Variants in UBE2G2 observed in about 807,000 individuals in gnomAD.
UBE2G2 encodes ubiquitin conjugating enzyme E2 G2, also known as ubiquitin-conjugating enzyme E2 G2.
In UBE2G2, 10 loss-of-function variants were observed where a neutral mutation model predicts 23.0. That is an observed-to-expected ratio of 0.43 (90% CI 0.27 to 0.74). UBE2G2 has a LOEUF of 0.74. UBE2G2 is among the 30% of genes least tolerant of loss of function. The pLI, the probability that UBE2G2 is intolerant of heterozygous loss-of-function variation, is 0.19. For synonymous variants in UBE2G2, 86 were observed against 81.3 expected (o/e 1.06, Z -0.31); for missense variants, 150 against 218.3 (o/e 0.69, Z 1.97).
intron 3 of UBE2G2, among the ~76,000 whole-genome samples, chr21:44,782,854 G>A (rs1344933390): frequency 6.6e-6 from 1 of 152,022 alleles, no homozygotes; most frequent in Non-Finnish European, 1.5e-5. Flanking sequence ...GCAAACATAA[G>A]AGAAAATCTT....
intron 3 of UBE2G2, among the ~76,000 whole-genome samples, chr21:44,777,791 G>C (rs1422873808): frequency 6.6e-6 from 1 of 152,198 alleles, no homozygotes; most frequent in African/African-American, 2.4e-5. Flanking sequence ...CTGGGCGACA[G>C]AGCGTGACTC....
At position 44,794,077 on chromosome 21, in the gene UBE2G2, G is replaced by A. The variant is rs143290743; in HGVS notation, c.44-5982C>T. 2.3e-3 allele frequency among the ~76,000 whole-genome samples: 351 copies of A among 152,320 alleles called. 1 individual carries two copies. Among genetic ancestry groups the A allele is most frequent in the East Asian group, 5.0e-3 (26 of 5,194 alleles). On this transcript the variant is annotated intron_variant, in intron 1 of 5. Coordinates refer to ENST00000345496, the MANE Select transcript of UBE2G2 (RefSeq NM_003343.6). ...AATTAAAATTAATGTGGTCATTAGG[G>A]TGGACCTTAATCCAATCTGACTAAT...
In UBE2G2 at chr21:44,771,159, T is replaced by C. The variant is rs1601172392; in HGVS notation, c.*218A>G. ...ACCTGAAGCCCTTTGTGAGGAATAC[T>C]GTAAAACTGCAGTAAGCTGTCAATA... On this transcript the variant is annotated 3_prime_UTR_variant, in exon 6 of 6. Coordinates refer to ENST00000345496, the MANE Select transcript of UBE2G2 (RefSeq NM_003343.6). The surrounding 1 kb of genome is among the most constrained non-coding windows in gnomAD (Gnocchi z 4.6). 1.8e-6 allele frequency: 1 copy of C among 550,206 alleles called. No homozygotes were observed. The highest frequency in any genetic ancestry group is 3.0e-5 in the East Asian group (1 of 33,114). 34.1% of individuals were successfully genotyped at this position (550,206 alleles called of 1,614,324 possible). A position where few individuals can be genotyped will look rare whatever the true frequency, so the allele number is the denominator to read the frequency against.
chr21:44,775,929 G>C (rs782585174), intron 4 of UBE2G2, among the ~76,000 whole-genome samples: 7 of 152,174 alleles, frequency 4.6e-5, no homozygotes, highest in African/African-American at 1.7e-4. Flanking sequence ...AAGAAGGCAC[G>C]CTTCTGAGCA....
intron 4 of UBE2G2, among the ~76,000 whole-genome samples, chr21:44,776,094 G>A (rs2082911512): frequency 1.3e-5 from 2 of 152,076 alleles, no homozygotes; most frequent in South Asian, 2.1e-4. Flanking sequence ...ATTGGCAGAC[G>A]GCATTTCCAC....
intron 1 of UBE2G2, among the ~76,000 whole-genome samples, chr21:44,799,339 G>A (rs781910957): frequency 1.3e-5 from 2 of 152,138 alleles, no homozygotes; most frequent in African/African-American, 2.4e-5. Context: ...AGCTGTTTAC[G>A]TTGTATATGG....
chr21:44,772,073 C>G lies in UBE2G2; in HGVS notation c.386-584G>C, dbSNP rs1446764903. Among the ~76,000 whole-genome samples the G allele has an allele frequency of 6.6e-6, 1 of 152,248 alleles. No homozygotes were observed. The highest frequency in any genetic ancestry group is 2.4e-5 in the African/African-American group (1 of 41,466). On this transcript the variant is annotated intron_variant, in intron 5 of 5. Transcript: ENST00000345496. The surrounding 1 kb of genome is among the most constrained non-coding windows in gnomAD (Gnocchi z 5.4). Reference sequence around the variant, plus strand: ...GGAGGCACGGAGGGAGTAGCCAGGGCCTGCCGGAAGGCAGAACGGAGAGAG... The same window carrying G: ...GGAGGCACGGAGGGAGTAGCCAGGGGCTGCCGGAAGGCAGAACGGAGAGAG...
intron 3 of UBE2G2, 112 bp from the exon 4 acceptor site, chr21:44,777,529 C>G (rs535750939): frequency 9.1e-7 from 1 of 1,093,602 alleles, no homozygotes; most frequent in Non-Finnish European, 1.4e-6. Flanking sequence ...CACGTGAGGC[C>G]GGGTGCGGTG....
In UBE2G2 at chr21:44,771,407, C is replaced by T. The variant is rs181137836; in HGVS notation, c.468G>A (p.Lys156=). The T allele has an allele frequency of 2.5e-6, 4 of 1,613,144 alleles. No individual in the cohort carries two copies. The highest frequency in any genetic ancestry group is 3.3e-5 in the Admixed American group (2 of 60,024). Residue 156 remains lysine, a synonymous_variant, in exon 6 of 6, where the codon AAG becomes AAA. Transcript: ENST00000345496. This position sits in a 1 kb window ranked among gnomAD's most constrained non-coding sequence, Gnocchi z 4.6. The stretch of plus-strand genomic sequence containing the variant: ...GTCCCAGAGACTTCTGGACGATCTG[C>T]TTGGCAATCTTATAGAACTGCTCCC... ...DDREQFYKIA[K]QIVQKSLGL
rs541707498 is a variant in UBE2G2, at chr21:44,791,106, G to A, written c.44-3011C>T. ...TTTTGCCCCTGCCCTAGAGATCTGT[G>A]GAACTTTGAACTTGAGAGAGATGAT... is the stretch of plus-strand genomic sequence containing the variant. On this transcript the variant is annotated intron_variant, in intron 1 of 5. Coordinates refer to ENST00000345496, the MANE Select transcript of UBE2G2 (RefSeq NM_003343.6). Among the ~76,000 whole-genome samples the A allele has an allele frequency of 4.5e-4, 68 of 152,272 alleles. 1 individual carries two copies. The highest frequency in any genetic ancestry group is 1.6e-3 in the African/African-American group (67 of 41,540).
intron 1 of UBE2G2, among the ~76,000 whole-genome samples, chr21:44,797,741 A>AT (rs869172926): frequency 0.047 from 5,042 of 107,974 alleles, 1,203 homozygotes; most frequent in African/African-American, 0.19. Context: ...AAAAAAAAAA[A>AT]GAGAAAATAC....
chr21:44,795,986 G>A (rs2083085821), intron 1 of UBE2G2, among the ~76,000 whole-genome samples: 1 of 152,190 alleles, frequency 6.6e-6, no homozygotes, highest in African/African-American at 2.4e-5. Flanking sequence ...AGCTGGAAGA[G>A]GCAAGTAAGG....
intron 4 of UBE2G2, 64 bp from the exon 5 acceptor site, chr21:44,773,751 G>A: frequency 6.3e-7 from 1 of 1,579,064 alleles, no homozygotes; most frequent in South Asian, 1.1e-5. Context: ...CCGCGCTTGG[G>A]CAGGCTCCAC....
chr21:44,780,194 G>A lies in UBE2G2; in HGVS notation c.126-2777C>T, dbSNP rs563298246. On this transcript the variant is annotated intron_variant, in intron 3 of 5. Transcript: ENST00000345496. ...TATCAAAGTTATTTGCAAATGCTCC[G>A]GTTTACTACTGGTTTGAAACTGGGA... Among the ~76,000 whole-genome samples the A allele has an allele frequency of 3.9e-5, 6 of 152,296 alleles. No homozygotes were observed. In the East Asian group the frequency reaches 1.2e-3, roughly 29 times the overall value.
At chr21:44,787,581 A>G (rs1357228347) in intron 3 of UBE2G2, among the ~76,000 whole-genome samples, 1 of 152,260 alleles carries the variant, frequency 6.6e-6, no homozygotes, top group East Asian at 1.9e-4. Flanking sequence ...TGAAGGGGCT[A>G]CTTCTGGAAG....
intron 1 of UBE2G2, among the ~76,000 whole-genome samples, chr21:44,799,268 C>G (rs2083116886): frequency 6.6e-6 from 1 of 152,154 alleles, no homozygotes; most frequent in African/African-American, 2.4e-5. Flanking sequence ...CTTAAAGTGA[C>G]CGACATTAGC....
intron 1 of UBE2G2, among the ~76,000 whole-genome samples, chr21:44,791,626 A>G (rs557389661): frequency 6.6e-6 from 1 of 152,380 alleles, no homozygotes; most frequent in Admixed American, 6.5e-5. Context: ...GTCCAGACAG[A>G]AATCTGCTGC....
intron 1 of UBE2G2, among the ~76,000 whole-genome samples, chr21:44,797,285 C>G (rs936805172): frequency 1.3e-5 from 2 of 152,172 alleles, no homozygotes. Context: ...AAGCTTCTGT[C>G]AGGACAATAA....
At chr21:44,773,473 G>A (rs2082889052) in intron 5 of UBE2G2, 74 bp downstream of exon 5, 5 of 1,514,554 alleles carry the variant, frequency 3.3e-6, no homozygotes, top group African/African-American at 1.4e-5. Flanking sequence ...TCTAAAGACA[G>A]GATGACGCAA....
Sources: gnomAD v4.1 joint callset for allele counts (sites outside exome capture counted in the v4.1 genomes callset) on GRCh38, gnomAD v4.1.1 for gene constraint, Gnocchi (gnomAD v3.1) non-coding constraint, MANE v1.5 for transcripts, NCBI Gene and HGNC (gene_info 2026-07-23, HGNC 2026-07-21) for gene names.